Variants in COG3 observed in about 807,000 individuals in gnomAD.
COG3 encodes conserved oligomeric Golgi complex subunit 3.
A neutral mutation model predicts 114.1 loss-of-function variants in COG3; 32 were observed. The ratio of observed to expected loss-of-function variants is 0.28; its 90% CI spans 0.21 to 0.38. COG3 has a LOEUF of 0.38. COG3 is among the 10% of genes least tolerant of loss of function. COG3 has a pLI of 1.00. For synonymous variants in COG3, 352 were observed against 365.7 expected (o/e 0.96, Z 0.43); for missense variants, 813 against 973.2 (o/e 0.84, Z 2.19).
intron 4 of COG3, among the ~76,000 whole-genome samples, chr13:45,480,747 G>A (rs993554894): frequency 6.6e-6 from 1 of 152,026 alleles, no homozygotes; most frequent in African/African-American, 2.4e-5. Context: ...TGTATTTTTA[G>A]TAGAGACAGA....
At position 45,535,060 on chromosome 13, in the gene COG3, A is replaced by G; in HGVS notation, c.*329A>G. The G allele has an allele frequency of 9.1e-7, 1 of 1,094,350 alleles. No individual in the cohort carries two copies. The allele number at this position is 1,094,350 out of a possible 1,614,324, so 67.8% of individuals were successfully genotyped here. On this transcript the variant is annotated 3_prime_UTR_variant, in exon 23 of 23. Transcript: ENST00000349995. ...AAAATGTGCAATAAAAATAGATTAC[A>G]ATAAGTAGTGCAAAGAACTTTACAG... is the stretch of plus-strand genomic sequence containing the variant.
chr13:45,530,884 A>G (rs1336522702), intron 22 of COG3, 104 bp downstream of exon 22: 1 of 1,373,012 alleles, frequency 7.3e-7, no homozygotes, highest in African/African-American at 1.5e-5. Context: ...TTAATTTAAA[A>G]AATATTACCT....
intron 15 of COG3, among the ~76,000 whole-genome samples, chr13:45,510,787 G>A (rs531118580): frequency 5.4e-4 from 83 of 152,316 alleles, no homozygotes; most frequent in African/African-American, 1.9e-3. Flanking sequence ...AGACAATCCA[G>A]TGTAAAATAC....
Position 45,500,594 on chromosome 13 carries a change from G to A in COG3, c.1489-2650G>A, listed in dbSNP as rs551345649. On this transcript the variant is annotated intron_variant, in intron 13 of 22. Transcript: ENST00000349995. Reference sequence around the variant, plus strand: ...AGTTTGAGATTTACAGAAAAATTGAGAAGGTGGTACAGAGTTTTTATATAC... The same window carrying A: ...AGTTTGAGATTTACAGAAAAATTGAAAAGGTGGTACAGAGTTTTTATATAC... 9.8e-5 allele frequency among the ~76,000 whole-genome samples: 15 copies of A among 152,288 alleles called. No homozygotes were observed. In the South Asian group the frequency reaches 1.5e-3, roughly 15 times the overall value.
chr13:45,465,512 T>G, intron 1 of COG3: 1 of 303,396 alleles, frequency 3.3e-6, no homozygotes, highest in Non-Finnish European at 6.1e-6. Flanking sequence ...CACCGAACGT[T>G]TTGCCCCAGA....
intron 7 of COG3, 125 bp downstream of exon 7, chr13:45,483,480 A>C: frequency 1.8e-6 from 1 of 562,682 alleles, no homozygotes; most frequent in Admixed American, 3.7e-5. Context: ...TTTGTTAAGA[A>C]TATGTACTAC....
intron 4 of COG3, 45 bp from the exon 5 acceptor site, chr13:45,481,185 T>C: frequency 1.9e-6 from 2 of 1,060,968 alleles, no homozygotes; most frequent in Non-Finnish European, 2.9e-6. Flanking sequence ...ATGTTGATTC[T>C]TATATTCTTA....
chr13:45,522,910 T>G (rs1302221229), intron 19 of COG3, among the ~76,000 whole-genome samples: 1 of 152,200 alleles, frequency 6.6e-6, no homozygotes, highest in Non-Finnish European at 1.5e-5. Context: ...AGCAAGAACT[T>G]TGTGTCAAGG....
intron 5 of COG3, 65 bp from the exon 6 acceptor site, chr13:45,482,316 A>G (rs1458898680): frequency 4.7e-6 from 4 of 842,382 alleles, no homozygotes; most frequent in Non-Finnish European, 7.6e-6. Flanking sequence ...ACTCTAATCC[A>G]TAGTTTCCAA....
rs754475563 is a variant in COG3, at chr13:45,509,790, C to T, written c.1693C>T (p.Leu565Phe). ...YPTVRRTLVC[L>F]SKLYRCIDRA... is the part of the protein sequence containing the mutation. Reference sequence around the variant, plus strand: ...TACGGTTCGAAGAACTCTTGTCTGTCTCTCCAAATTATACAGATGCATAGA... The same window carrying T: ...TACGGTTCGAAGAACTCTTGTCTGTTTCTCCAAATTATACAGATGCATAGA... Residue 565 changes from leucine (L) to phenylalanine (F), a missense_variant, in exon 15 of 23, where the codon CTC becomes TTC. Leu to Phe is a conservative substitution (Grantham distance 22, BLOSUM62 0). Transcript: ENST00000349995. 1.2e-6 allele frequency: 2 copies of T among 1,613,550 alleles called. No individual in the cohort carries two copies. Among genetic ancestry groups the T allele is most frequent in the Non-Finnish European group, 1.7e-6 (2 of 1,179,500 alleles).
intron 8 of COG3, among the ~76,000 whole-genome samples, chr13:45,489,261 T>TAAAAAAA (rs1180674485): frequency 9.7e-4 from 1 of 1,034 alleles, no homozygotes; most frequent in African/African-American, 3.2e-3. Flanking sequence ...AGACCCAGCC[T>TAAAAAAA]CAAAAAAAAA....
chr13:45,523,137 A>T (rs963207381), intron 19 of COG3, among the ~76,000 whole-genome samples: 1 of 124,600 alleles, frequency 8.0e-6, no homozygotes, highest in African/African-American at 2.9e-5. Flanking sequence ...GTTTGTAGCT[A>T]AGCTTAAAAG....
intron 17 of COG3, among the ~76,000 whole-genome samples, chr13:45,518,238 A>G (rs1229532213): frequency 6.6e-6 from 1 of 152,202 alleles, no homozygotes; most frequent in African/African-American, 2.4e-5. Flanking sequence ...CTCAAGACTA[A>G]CATTATATTG....
Position 45,516,144 on chromosome 13 carries a change from C to A in COG3, c.1811C>A (p.Thr604Asn). 1 of 1,559,300 alleles carries A rather than the reference C, an allele frequency of 6.4e-7. No individual in the cohort carries two copies. The highest frequency in any genetic ancestry group is 8.7e-7 in the Non-Finnish European group (1 of 1,142,936). The change falls in exon 17 of 23, where the codon ACT (threonine) becomes AAT (asparagine). Residue 604 changes from threonine to asparagine, a missense_variant and splice_region_variant. Thr to Asn is a moderately conservative substitution (Grantham distance 65). This residue lies in a region of COG3 where 389 missense variants were observed against 542.6 expected (regional missense o/e 0.72). Transcript: ENST00000349995. ...CCATTTTTCTGTCTTATAATTTAGA[C>A]TCAGATTGATGGACAACTTTTCTTA... is the stretch of plus-strand genomic sequence containing the variant. The part of the protein sequence containing the change: ...GASESISKNK[T>N]QIDGQLFLIK...
intron 16 of COG3, among the ~76,000 whole-genome samples, chr13:45,514,745 T>C (rs1871361951): frequency 6.6e-6 from 1 of 152,088 alleles, no homozygotes; most frequent in Non-Finnish European, 1.5e-5. Context: ...CCTCCCAGGT[T>C]CACGCCATTC....
intron 4 of COG3, 69 bp from the exon 5 acceptor site, chr13:45,481,161 A>G (rs1566244708): frequency 1.2e-6 from 1 of 821,942 alleles, no homozygotes; most frequent in Non-Finnish European, 2.1e-6. Flanking sequence ...GTTTAGTGTA[A>G]CTTTGAGACT....
chr13:45,491,543 G>C lies in COG3; in HGVS notation c.1095+5G>C. 6.2e-7 allele frequency: 1 copy of C among 1,607,144 alleles called. No homozygotes were observed. Among genetic ancestry groups the C allele is most frequent in the Non-Finnish European group, 8.5e-7 (1 of 1,177,710 alleles). On this transcript the variant is annotated splice_donor_5th_base_variant and intron_variant, in intron 10 of 22. Coordinates refer to ENST00000349995, the MANE Select transcript of COG3 (RefSeq NM_031431.4). ...AATAGAGATCACTGTGCCTTGGTAA[G>C]TTTCTACTTGTTTTGGTTTAATGTT...
chr13:45,532,896 G>C (rs931514060), intron 22 of COG3, among the ~76,000 whole-genome samples: 3 of 151,862 alleles, frequency 2.0e-5, no homozygotes, highest in Admixed American at 6.6e-5. Context: ...TTTAAAGATA[G>C]GAGAAAAACG....
At chr13:45,489,050 C>T (rs1023852006) in intron 8 of COG3, among the ~76,000 whole-genome samples, 6 of 151,370 alleles carry the variant, frequency 4.0e-5, no homozygotes, top group Admixed American at 4.0e-4. Context: ...TAGCTGGACA[C>T]GGTGGTGTGC....
Sources: gnomAD v4.1 joint callset for allele counts (sites outside exome capture counted in the v4.1 genomes callset) on GRCh38, gnomAD v4.1.1 for gene constraint, gnomAD v4.1.1 regional missense constraint, MANE v1.5 for transcripts, NCBI Gene and HGNC (gene_info 2026-07-23, HGNC 2026-07-21) for gene names.